CTNNA2: variants seen among roughly 807,000 people sequenced by gnomAD.
The protein encoded by CTNNA2 is catenin alpha 2, also known as catenin alpha-2.
CTNNA2 carries 42 observed loss-of-function variants against 101.0 expected under a neutral mutation model. The observed-to-expected ratio is 0.42, with a 90% CI of 0.32 to 0.54. The LOEUF (loss-of-function observed/expected upper bound fraction) is 0.54. Among genes scored for constraint, CTNNA2 ranks in the 20% least tolerant of loss-of-function variants. The pLI is 0.14. For missense variants in CTNNA2, 871 were observed against 1,223.1 expected, an observed-to-expected ratio of 0.71 and a Z score of 4.29; for synonymous variants, 450 against 456.4, an observed-to-expected ratio of 0.99 and a Z score of 0.18.
chr2:79,692,845 G>A (rs961509362), intron 2 of CTNNA2, among the ~76,000 whole-genome samples: 3 of 144,508 alleles, frequency 2.1e-5, no homozygotes, highest in Non-Finnish European at 4.5e-5. Context: ...GACACAGGGA[G>A]GGGAACATCA....
intron 4 of CTNNA2, among the ~76,000 whole-genome samples, chr2:79,439,474 G>C (rs1678754520): frequency 6.6e-6 from 1 of 152,152 alleles, no homozygotes; most frequent in African/African-American, 2.4e-5. Flanking sequence ...AGGAATGAAA[G>C]TATTCTAAAA....
intron 18 of CTNNA2, among the ~76,000 whole-genome samples, chr2:80,628,196 G>T (rs993817834): frequency 1.3e-5 from 2 of 151,892 alleles, no homozygotes; most frequent in African/African-American, 4.8e-5. Context: ...GCCCAAGGTA[G>T]TTTGTAGATT....
At chr2:79,253,466 C>T (rs1211339913) in intron 2 of CTNNA2, among the ~76,000 whole-genome samples, 1 of 152,190 alleles carries the variant, frequency 6.6e-6, no homozygotes, top group Non-Finnish European at 1.5e-5. Flanking sequence ...TGCAAATCAG[C>T]CTGCATCTAT....
chr2:79,782,133 T>C (rs2105205465), intron 3 of CTNNA2, among the ~76,000 whole-genome samples: 1 of 152,318 alleles, frequency 6.6e-6, no homozygotes, highest in South Asian at 2.1e-4. Flanking sequence ...TAAGGTTATA[T>C]TTACAATAAT....
At chr2:80,077,378 TCAA>T (rs1698827984) in intron 7 of CTNNA2, among the ~76,000 whole-genome samples, 1 of 152,264 alleles carries the variant, frequency 6.6e-6, no homozygotes, top group African/African-American at 2.4e-5. Flanking sequence ...CCATGTAACT[TCAA>T]CAAGTATGAA....
At chr2:80,348,753 A>G (rs917666359) in intron 7 of CTNNA2, among the ~76,000 whole-genome samples, 6 of 120,038 alleles carry the variant, frequency 5.0e-5, no homozygotes, top group African/African-American at 2.9e-4. Flanking sequence ...TTAGGTTCTG[A>G]TTTAAATAAC....
At chr2:79,727,306 G>C (rs1459585116) in intron 2 of CTNNA2, among the ~76,000 whole-genome samples, 1 of 152,134 alleles carries the variant, frequency 6.6e-6, no homozygotes, top group African/African-American at 2.4e-5. Context: ...GAAAAGCATG[G>C]CATGTGTTGA....
chr2:79,739,172 G>A (rs13007685), intron 2 of CTNNA2, among the ~76,000 whole-genome samples: 61,526 of 149,778 alleles, frequency 0.41, 14,059 homozygotes, highest in African/African-American at 0.64. Flanking sequence ...GCCTTGAGTG[G>A]AAGTTGAGAG....
At chr2:79,805,380 T>C (rs1574012683) in intron 3 of CTNNA2, among the ~76,000 whole-genome samples, 1 of 152,216 alleles carries the variant, frequency 6.6e-6, no homozygotes, top group Non-Finnish European at 1.5e-5. Flanking sequence ...TAAAATAATT[T>C]TGTGCGTGGA....
chr2:79,371,205 C>T (rs961124508), intron 3 of CTNNA2, among the ~76,000 whole-genome samples: 1 of 151,942 alleles, frequency 6.6e-6, no homozygotes, highest in African/African-American at 2.4e-5. Flanking sequence ...GAAAGGCCCA[C>T]GGGGTGTTTT....
chr2:80,384,073 C>T (rs1267563592), intron 7 of CTNNA2, among the ~76,000 whole-genome samples: 2 of 152,078 alleles, frequency 1.3e-5, no homozygotes, highest in Admixed American at 1.3e-4. Flanking sequence ...GAACAGACAA[C>T]CAAATATCAC....
intron 3 of CTNNA2, among the ~76,000 whole-genome samples, chr2:79,361,278 A>G (rs1677622633): frequency 6.6e-6 from 1 of 152,222 alleles, no homozygotes; most frequent in African/African-American, 2.4e-5. Context: ...CAAACAAACA[A>G]GAGTAGAGTT....
chr2:79,611,429 AAG>A (rs1010285245), intron 1 of CTNNA2, among the ~76,000 whole-genome samples: 1 of 152,156 alleles, frequency 6.6e-6, no homozygotes, highest in Non-Finnish European at 1.5e-5. Context: ...TACAATGAAA[AAG>A]AGAGACACAG....
intron 3 of CTNNA2, among the ~76,000 whole-genome samples, chr2:79,372,684 A>T (rs1425655951): frequency 1.3e-5 from 2 of 152,216 alleles, no homozygotes; most frequent in African/African-American, 2.4e-5. Flanking sequence ...CCTTGAATCA[A>T]TACCTCCCCA....
At chr2:80,495,143 A>G (rs78755914) in intron 9 of CTNNA2, among the ~76,000 whole-genome samples, 1,904 of 152,298 alleles carry the variant, frequency 0.013, 43 homozygotes, top group African/African-American at 0.043. Context: ...ATGACTTTAA[A>G]GATAGTTAAT....
At chr2:80,235,876 G>C (rs1056867843) in intron 7 of CTNNA2, among the ~76,000 whole-genome samples, 2 of 152,098 alleles carry the variant, frequency 1.3e-5, no homozygotes, top group African/African-American at 2.4e-5. Context: ...CTTGTGTCAT[G>C]GGGGTTTGTT....
At chr2:79,913,302 A>G (rs1188896710) in intron 7 of CTNNA2, among the ~76,000 whole-genome samples, 1 of 152,186 alleles carries the variant, frequency 6.6e-6, no homozygotes, top group Admixed American at 6.5e-5. Context: ...TTGAGGAGGA[A>G]GGGATGACAA....
intron 2 of CTNNA2, among the ~76,000 whole-genome samples, chr2:79,672,621 C>G (rs1005296583): frequency 6.0e-5 from 9 of 150,268 alleles, no homozygotes; most frequent in Admixed American, 6.0e-4. Context: ...AGTTGAAAAT[C>G]AAAAAAACTT....
At chr2:79,940,308 CAGATTTTCTG>C (rs1442700895) in intron 7 of CTNNA2, among the ~76,000 whole-genome samples, 6 of 152,062 alleles carry the variant, frequency 3.9e-5, no homozygotes, top group African/African-American at 7.2e-5. Flanking sequence ...AAATTTTCTA[CAGATTTTCTG>C]AAATTTTCTG....
Sources: gnomAD v4.1 joint callset for allele counts (sites outside exome capture counted in the v4.1 genomes callset) on GRCh38, gnomAD v4.1.1 for gene constraint, MANE v1.5 for transcripts, NCBI Gene and HGNC (gene_info 2026-07-23, HGNC 2026-07-21) for gene names.